SLC25A26: variants seen among roughly 807,000 people sequenced by gnomAD.
SLC25A26 encodes solute carrier family 25 member 26.
Under a neutral mutation model 37.8 loss-of-function variants are expected in SLC25A26, and 36 were observed. The ratio of observed to expected loss-of-function variants is 0.95; its 90% CI spans 0.73 to 1.26. The LOEUF is 1.26. SLC25A26 is among the 50% of genes most tolerant of loss of function. The pLI, the probability that SLC25A26 is intolerant of heterozygous loss-of-function variation, is 0.00. For synonymous variants in SLC25A26, 129 were observed against 122.5 expected (o/e 1.05, Z -0.35); for missense variants, 390 against 331.1 (o/e 1.18, Z -1.38).
At chr3:66,289,298 C>T (rs1308300299) in intron 5 of SLC25A26, among the ~76,000 whole-genome samples, 1 of 152,094 alleles carries the variant, frequency 6.6e-6, no homozygotes, top group Non-Finnish European at 1.5e-5. Flanking sequence ...ATGATAGTTT[C>T]TTTTGCTGTG....
chr3:66,346,735 T>C (rs1269408023), intron 6 of SLC25A26, among the ~76,000 whole-genome samples: 3 of 150,458 alleles, frequency 2.0e-5, no homozygotes, highest in African/African-American at 7.4e-5. Context: ...TGTGTGTGTG[T>C]GTGTGTGTGT....
At chr3:66,326,628 A>G (rs1282608545) in intron 5 of SLC25A26, among the ~76,000 whole-genome samples, 1 of 152,196 alleles carries the variant, frequency 6.6e-6, no homozygotes, top group African/African-American at 2.4e-5. Context: ...CTCCAGTTTC[A>G]TGCTGGACAA....
chr3:66,171,338 G>A (rs1199241701), intron 1 of SLC25A26, among the ~76,000 whole-genome samples: 2 of 152,150 alleles, frequency 1.3e-5, no homozygotes, highest in Non-Finnish European at 2.9e-5. Context: ...GCATGATTTT[G>A]GTTATGATGC....
chr3:66,323,473 T>C (rs9860952), intron 5 of SLC25A26, among the ~76,000 whole-genome samples: 85,824 of 152,034 alleles, frequency 0.56, 25,111 homozygotes, highest in East Asian at 0.78. Flanking sequence ...GCTGGGTAAA[T>C]GGGAGACTGG....
intron 5 of SLC25A26, among the ~76,000 whole-genome samples, chr3:66,303,143 A>T (rs945258824): frequency 6.6e-6 from 1 of 152,242 alleles, no homozygotes; most frequent in Admixed American, 6.5e-5. Context: ...CACTGTTGAC[A>T]TCTTTAATAC....
chr3:66,158,173 C>T (rs1031101686), intron 1 of SLC25A26, among the ~76,000 whole-genome samples: 1 of 152,184 alleles, frequency 6.6e-6, no homozygotes, highest in Non-Finnish European at 1.5e-5. Context: ...TTTGAGAGTA[C>T]GGCAGCCTTT....
chr3:66,234,578 G>A (rs1054582700), intron 1 of SLC25A26, among the ~76,000 whole-genome samples: 1 of 152,122 alleles, frequency 6.6e-6, no homozygotes, highest in African/African-American at 2.4e-5. Context: ...TACTTGTCTA[G>A]TGTAAATTAA....
intron 5 of SLC25A26, among the ~76,000 whole-genome samples, chr3:66,307,637 G>A (rs1380295326): frequency 6.6e-6 from 1 of 152,160 alleles, no homozygotes; most frequent in African/African-American, 2.4e-5. Flanking sequence ...ATGGTTTTAG[G>A]TCTTACGTTT....
intron 1 of SLC25A26, among the ~76,000 whole-genome samples, chr3:66,227,158 G>A (rs2071796067): frequency 6.6e-6 from 1 of 152,144 alleles, no homozygotes; most frequent in African/African-American, 2.4e-5. Context: ...ACATAACTTA[G>A]TCTGGGACAT....
chr3:66,217,322 G>C (rs1381428985), upstream of SLC25A26, among the ~76,000 whole-genome samples: 3 of 152,094 alleles, frequency 2.0e-5, no homozygotes, highest in African/African-American at 7.2e-5. Flanking sequence ...TTTCACTTAG[G>C]AGGCTATAGT....
At chr3:66,275,558 T>A (rs1457018686) in intron 5 of SLC25A26, among the ~76,000 whole-genome samples, 1 of 152,036 alleles carries the variant, frequency 6.6e-6, no homozygotes, top group Non-Finnish European at 1.5e-5. Context: ...AACCAATGAC[T>A]TAATCATACT....
At chr3:66,366,106 C>T (rs2076818925) in intron 7 of SLC25A26, among the ~76,000 whole-genome samples, 1 of 152,162 alleles carries the variant, frequency 6.6e-6, no homozygotes, top group African/African-American at 2.4e-5. Context: ...TCTCCTGAAT[C>T]CTGTCCTCGA....
chr3:66,200,087 T>C (rs912087342), intron 1 of SLC25A26, among the ~76,000 whole-genome samples: 6 of 152,354 alleles, frequency 3.9e-5, no homozygotes, highest in African/African-American at 1.4e-4. Flanking sequence ...CATGTTAATA[T>C]GATCTATTAC....
chr3:66,346,249 G>GT, intron 5 of SLC25A26, 115 bp from the exon 6 acceptor site: 1 of 531,896 alleles, frequency 1.9e-6, no homozygotes. Flanking sequence ...CTGTGAATTT[G>GT]TTTGATATTA....
intron 7 of SLC25A26, among the ~76,000 whole-genome samples, chr3:66,365,770 G>T (rs932495187): frequency 1.3e-5 from 2 of 152,142 alleles, no homozygotes; most frequent in African/African-American, 4.8e-5. Context: ...CTTGTTGATG[G>T]GGAAGTCTTC....
intron 1 of SLC25A26, among the ~76,000 whole-genome samples, chr3:66,155,754 A>G (rs2070273912): frequency 6.6e-6 from 1 of 152,110 alleles, no homozygotes; most frequent in Non-Finnish European, 1.5e-5. Flanking sequence ...AGCACACTCA[A>G]ATCAGCAAGT....
At chr3:66,212,505 AG>A (rs1449641340) in intron 1 of SLC25A26, among the ~76,000 whole-genome samples, 2 of 152,228 alleles carry the variant, frequency 1.3e-5, no homozygotes, top group African/African-American at 4.8e-5. Flanking sequence ...TAGTATACAT[AG>A]GGTTCAGTAC....
chr3:66,147,242 C>T (rs1174654550), intron 1 of SLC25A26, among the ~76,000 whole-genome samples: 1 of 151,216 alleles, frequency 6.6e-6, no homozygotes, highest in Admixed American at 6.6e-5. Context: ...CAGCTCACTG[C>T]AACCTCAACC....
chr3:66,206,821 C>A (rs910561826), intron 1 of SLC25A26, among the ~76,000 whole-genome samples: 69 of 151,598 alleles, frequency 4.6e-4, no homozygotes, highest in African/African-American at 1.6e-3. Flanking sequence ...TCCTCCCATC[C>A]TTCCACTTCA....
Sources: gnomAD v4.1 joint callset for allele counts (sites outside exome capture counted in the v4.1 genomes callset) on GRCh38, gnomAD v4.1.1 for gene constraint, MANE v1.5 for transcripts, NCBI Gene and HGNC (gene_info 2026-07-23, HGNC 2026-07-21) for gene names.